TSPAN1: variants seen among roughly 807,000 people sequenced by gnomAD.
The protein encoded by TSPAN1 is tetraspanin 1, also known as tetraspanin-1.
TSPAN1 carries 23 observed loss-of-function variants against 26.9 expected under a neutral mutation model. The ratio of observed to expected loss-of-function variants is 0.85; its 90% confidence interval spans 0.62 to 1.21. TSPAN1 has a LOEUF of 1.21. Among genes scored for constraint, TSPAN1 ranks in the 50% most tolerant of loss-of-function variants. The probability of loss-of-function intolerance (pLI) is 0.00; values close to 1 mark genes in which losing one functional copy is unlikely to be tolerated. For missense variants in TSPAN1, 283 were observed against 298.4 expected (o/e 0.95, Z 0.38); for synonymous variants, 115 against 114.8 (o/e 1.00, Z -0.01).
chr1:46,180,901 C>T (rs1657300458), intron 2 of TSPAN1, among the ~76,000 whole-genome samples, 199 bp from the exon 3 acceptor site: 1 of 151,912 alleles, frequency 6.6e-6, no homozygotes, highest in South Asian at 2.1e-4. Context: ...GGTGGAGGTC[C>T]TGGGTAGTAT....
chr1:46,190,654 G>A, downstream of TSPAN1: 1 of 1,546,264 alleles, frequency 6.5e-7, no homozygotes, highest in Non-Finnish European at 8.9e-7. Context: ...GCATTGGAAG[G>A]GACTTTCAGG....
intron 1 of TSPAN1, among the ~76,000 whole-genome samples, chr1:46,179,961 G>C (rs1393733221): frequency 1.3e-5 from 2 of 150,860 alleles, no homozygotes; most frequent in African/African-American, 2.5e-5. Context: ...AAGAGAAAGA[G>C]GGAGTGTGTG....
At chr1:46,190,896 G>A (rs777455379), downstream of TSPAN1, 2 of 1,015,816 alleles carry the variant, frequency 2.0e-6, no homozygotes, top group Non-Finnish European at 3.1e-6. Context: ...GACCTGTAAA[G>A]AGCCCTCTAA....
rs915239179 is a variant in TSPAN1 at position 46,184,524 on chromosome 1, G to GC, written c.265-70_265-69insC. On this transcript the variant is annotated intron_variant, in intron 4 of 8. Transcript: ENST00000372003. ...AGGCTTCTGTCTCACTTTTCCGGGG[G>GC]GGGGATTAGGGCAAGGAGGGCATGA... is the stretch of plus-strand genomic sequence containing the variant. 5.0e-6 allele frequency: 8 copies of GC among 1,604,808 alleles called. No individual in the cohort carries two copies. The Admixed American group carries it at 1.0e-4, about 20-fold the overall frequency.
At chr1:46,176,429 T>C (rs1400173767) in intron 1 of TSPAN1, 2 of 1,535,620 alleles carry the variant, frequency 1.3e-6, no homozygotes, top group African/African-American at 2.7e-5. Flanking sequence ...GGGGAACGCA[T>C]GCCCTGGGGC....
the TSPAN1 span, chr1:46,192,952 T>C: frequency 6.2e-7 from 1 of 1,614,112 alleles, no homozygotes; most frequent in South Asian, 1.1e-5. Flanking sequence ...ACAGCAAACT[T>C]GGCCTCCTAG....
chr1:46,179,315 A>G (rs1326185232), intron 1 of TSPAN1, among the ~76,000 whole-genome samples: 4 of 92,882 alleles, frequency 4.3e-5, no homozygotes, highest in Admixed American at 2.4e-4. Flanking sequence ...CCTGTCTCAG[A>G]AAAAAAAAAA....
At chr1:46,176,537 G>C in intron 1 of TSPAN1, 1 of 1,512,552 alleles carries the variant, frequency 6.6e-7, no homozygotes, top group Non-Finnish European at 8.8e-7. Flanking sequence ...AGGCCTCTAT[G>C]ACATACAAAG....
At chr1:46,190,876 T>G, downstream of TSPAN1, 1 of 1,232,492 alleles carries the variant, frequency 8.1e-7, no homozygotes, top group East Asian at 2.3e-5. Flanking sequence ...GACACACAAA[T>G]GAAGTCCTAG....
intron 1 of TSPAN1, chr1:46,176,502 G>A: frequency 1.3e-6 from 2 of 1,533,572 alleles, no homozygotes; most frequent in Non-Finnish European, 8.7e-7. Flanking sequence ...GTGTGCCTGG[G>A]GGGTGCTGTT....
At chr1:46,195,891 A>C in the TSPAN1 span, 1 of 1,613,800 alleles carries the variant, frequency 6.2e-7, no homozygotes. Context: ...TGAGGTGAGT[A>C]CGTGTCAAAC....
At position 46,184,940 on chromosome 1, in the gene TSPAN1, C is replaced by A; in HGVS notation, c.439-20C>A. The A allele has an allele frequency of 6.2e-7, 1 of 1,614,194 alleles. No individual in the cohort carries two copies. The highest frequency in any genetic ancestry group is 8.5e-7 in the Non-Finnish European group (1 of 1,180,018). The stretch of plus-strand genomic sequence containing the variant: ...AGAGAAAGAAGCAAGGCCCCACCTC[C>A]ACCCTCATCTTGTCTCCAGCTCAAG... On this transcript the variant is annotated intron_variant, in intron 6 of 8. Coordinates refer to ENST00000372003, the MANE Select transcript of TSPAN1 (RefSeq NM_005727.4).
chr1:46,194,124 C>T, the TSPAN1 span: 5 of 1,540,724 alleles, frequency 3.2e-6, no homozygotes, highest in Non-Finnish European at 4.4e-6. Flanking sequence ...TGCCCCTTCA[C>T]CCCAGCCCTG....
chr1:46,177,351 ATATCTATC>A (rs71062742), intron 1 of TSPAN1, among the ~76,000 whole-genome samples: 26,482 of 147,674 alleles, frequency 0.18, 2,598 homozygotes, highest in South Asian at 0.39. Context: ...AAAAAAAAAT[ATATCTATC>A]TATCTATCTA....
chr1:46,190,998 C>T, the TSPAN1 span: 3 of 550,452 alleles, frequency 5.5e-6, no homozygotes, highest in South Asian at 3.5e-5. Flanking sequence ...AGAGCTCATG[C>T]TGTCACGGCA....
the TSPAN1 span, chr1:46,196,050 C>G: frequency 6.2e-7 from 1 of 1,613,952 alleles, no homozygotes; most frequent in Non-Finnish European, 8.5e-7. The surrounding 1 kb of genome is among the most constrained non-coding windows in gnomAD (Gnocchi z 4.4). Context: ...ATGCCCCGGC[C>G]CTGCTCCCGG....
At chr1:46,192,828 C>G in the TSPAN1 span, 1 of 1,607,492 alleles carries the variant, frequency 6.2e-7, no homozygotes, top group Non-Finnish European at 8.5e-7. Context: ...CCAGAAAGCT[C>G]TCTAGGACAC....
At chr1:46,194,925 C>G in the TSPAN1 span, 1 of 1,614,148 alleles carries the variant, frequency 6.2e-7, no homozygotes. Context: ...CTCAGCAGAG[C>G]CTTGGCTGTG....
intron 8 of TSPAN1, 38 bp from the exon 9 acceptor site, chr1:46,185,448 T>C (rs770306158): frequency 2.5e-6 from 4 of 1,613,522 alleles, no homozygotes; most frequent in Admixed American, 3.3e-5. Flanking sequence ...AGGATCCCTA[T>C]CATGTTCCCT....
Sources: allele counts gnomAD v4.1 joint callset (sites outside exome capture counted in the v4.1 genomes callset), GRCh38; gene constraint gnomAD v4.1.1; non-coding constraint Gnocchi (gnomAD v3.1); transcripts MANE v1.5; gene names NCBI Gene and HGNC (gene_info 2026-07-23, HGNC 2026-07-21).